Variants in TG observed in about 807,000 individuals in gnomAD.
TG encodes thyroid hormones.
In TG, 270 loss-of-function variants were observed where a neutral mutation model predicts 324.7. The observed-to-expected ratio is 0.83, with a 90% confidence interval of 0.75 to 0.92. The LOEUF is 0.92. TG is among the 40% of genes least tolerant of loss of function. TG has a pLI of 0.00. For missense variants in TG, 3,591 were observed against 3,456.4 expected (o/e 1.04, Z -0.98); for synonymous variants, 1,401 against 1,327.0 (o/e 1.06, Z -1.21).
rs1821393289 is a variant in TG, at chr8:132,923,493, G to C, written c.4684G>C (p.Asp1562His). Residue 1562 changes from aspartate (D) to histidine (H), a missense_variant, in exon 22 of 48, where the codon GAC becomes CAC. Transcript: ENST00000220616. Reference sequence around the variant, plus strand: ...GTGGGAAACAGAGGCCCCTCTTGAGGACTCACAGTGTTTGAGTAGGTGCTG... The same window carrying C: ...GTGGGAAACAGAGGCCCCTCTTGAGCACTCACAGTGTTTGAGTAGGTGCTG... ...PWWETEAPLE[D>H]SQCLMMQKFE... is the part of the protein sequence containing the mutation. The C allele has an allele frequency of 6.2e-7, 1 of 1,613,884 alleles. No homozygotes were observed. The highest frequency in any genetic ancestry group is 8.5e-7 in the Non-Finnish European group (1 of 1,179,926).
intron 37 of TG, among the ~76,000 whole-genome samples, chr8:133,014,587 A>C (rs993688240): frequency 1.3e-5 from 2 of 152,238 alleles, no homozygotes; most frequent in Admixed American, 6.5e-5. Context: ...GTAGCATGGG[A>C]GCAGCAATAA....
At chr8:132,974,834 A>G (rs1322275055) in intron 34 of TG, among the ~76,000 whole-genome samples, 1 of 152,188 alleles carries the variant, frequency 6.6e-6, no homozygotes, top group Admixed American at 6.5e-5. Context: ...GCCCTTGCTC[A>G]TGAGCCTACC....
At chr8:132,969,087 C>T (rs901992926) in intron 31 of TG, among the ~76,000 whole-genome samples, 30 of 146,130 alleles carry the variant, frequency 2.1e-4, no homozygotes, top group Non-Finnish European at 2.2e-4. Flanking sequence ...TCTGTTTGGG[C>T]CACCTTCACC....
intron 34 of TG, among the ~76,000 whole-genome samples, chr8:132,978,870 C>T (rs1475193566): frequency 6.6e-6 from 1 of 152,078 alleles, no homozygotes; most frequent in Non-Finnish European, 1.5e-5. Flanking sequence ...GCAGAGTCTC[C>T]TAGCATTCAG....
intron 41 of TG, among the ~76,000 whole-genome samples, chr8:133,065,613 T>A (rs1842928121): frequency 1.3e-5 from 2 of 151,826 alleles, no homozygotes; most frequent in South Asian, 4.2e-4. Context: ...AATACAAAAA[T>A]TAGCCGGACA....
At chr8:133,031,018 T>C (rs985451988) in intron 41 of TG, among the ~76,000 whole-genome samples, 2 of 152,248 alleles carry the variant, frequency 1.3e-5, no homozygotes, top group Admixed American at 1.3e-4. Context: ...TTTAACCATT[T>C]TAAGTGTTCC....
At chr8:132,882,754 T>C (rs1008481441) in intron 7 of TG, 60 bp from the exon 8 acceptor site, 1 of 1,612,884 alleles carries the variant, frequency 6.2e-7, no homozygotes, top group Non-Finnish European at 8.5e-7. Flanking sequence ...CAGCAGTGCA[T>C]GCTGTGAAGA....
chr8:132,925,236 T>C (rs1821673200), intron 22 of TG, among the ~76,000 whole-genome samples: 1 of 152,206 alleles, frequency 6.6e-6, no homozygotes, highest in African/African-American at 2.4e-5. Flanking sequence ...ATAGTTAGGA[T>C]AGAATATACC....
chr8:132,933,467 TG>T, intron 23 of TG, 93 bp from the exon 24 acceptor site: 1 of 896,020 alleles, frequency 1.1e-6, no homozygotes, highest in Non-Finnish European at 1.9e-6. Context: ...TGTGTGTGTT[TG>T]GGCATGTGGG....
At chr8:132,961,148 C>A in intron 28 of TG, 75 bp downstream of exon 28, 1 of 1,413,662 alleles carries the variant, frequency 7.1e-7, no homozygotes, top group Non-Finnish European at 1.0e-6. Flanking sequence ...CTCTCATTCA[C>A]AGGGCACTCT....
intron 45 of TG, among the ~76,000 whole-genome samples, chr8:133,126,098 C>T (rs1442146201): frequency 1.3e-5 from 2 of 152,042 alleles, no homozygotes; most frequent in Non-Finnish European, 2.9e-5. Context: ...AGGTGTGATG[C>T]CTTAAATATT....
intron 35 of TG, among the ~76,000 whole-genome samples, chr8:132,990,397 A>G (rs1182854425): frequency 1.3e-5 from 2 of 152,056 alleles, no homozygotes; most frequent in Non-Finnish European, 2.9e-5. Flanking sequence ...CAGCATATCT[A>G]TCGCCTCAAA....
chr8:133,125,981 T>C (rs1299481867), intron 45 of TG, among the ~76,000 whole-genome samples: 3 of 152,250 alleles, frequency 2.0e-5, no homozygotes, highest in Admixed American at 6.5e-5. Context: ...ATCAGTTATC[T>C]TTTTAAAAAA....
intron 29 of TG, among the ~76,000 whole-genome samples, chr8:132,965,859 C>T (rs115829957): frequency 5.9e-4 from 90 of 152,234 alleles, no homozygotes; most frequent in African/African-American, 1.9e-3. Flanking sequence ...CAAGACAATC[C>T]GAGTTGAGGC....
At chr8:133,012,837 A>T (rs1464960771) in intron 36 of TG, among the ~76,000 whole-genome samples, 1 of 152,240 alleles carries the variant, frequency 6.6e-6, no homozygotes, top group African/African-American at 2.4e-5. Context: ...GCTGTCAACA[A>T]CCTGATCAAT....
chr8:133,058,577 G>T (rs1325719130), intron 41 of TG, among the ~76,000 whole-genome samples: 2 of 152,174 alleles, frequency 1.3e-5, no homozygotes, highest in African/African-American at 4.8e-5. Context: ...AGCCTGCCTG[G>T]GCTCAGGGCC....
At chr8:133,070,933 T>C (rs1409351140) in intron 41 of TG, among the ~76,000 whole-genome samples, 2 of 152,246 alleles carry the variant, frequency 1.3e-5, no homozygotes, top group African/African-American at 4.8e-5. Context: ...TTTATCTCAA[T>C]TGTTTCCCCT....
In TG at chr8:132,900,291, C is replaced by A; in HGVS notation, c.3385C>A (p.Pro1129Thr). 1.9e-6 allele frequency: 3 copies of A among 1,614,032 alleles called. No homozygotes were observed. Among genetic ancestry groups the A allele is most frequent in the African/African-American group, 1.3e-5 (1 of 75,042 alleles). ...GGGGGCTGGCACCTGGTGTGTGGACCCTGCATCAGGAGAAGAGTTGCGGCC... is the reference window on the plus strand; with the variant it reads ...GGGGGCTGGCACCTGGTGTGTGGACACTGCATCAGGAGAAGAGTTGCGGCC... ...ASGAGTWCVD[P>T]ASGEELRPGS... The change falls in exon 15 of 48, where the codon CCT (proline) becomes ACT (threonine). Residue 1129 changes from proline (P) to threonine (T), a missense_variant. Transcript: ENST00000220616.
intron 29 of TG, among the ~76,000 whole-genome samples, chr8:132,965,571 T>A (rs553633967): frequency 1.3e-5 from 2 of 152,346 alleles, no homozygotes; most frequent in East Asian, 1.9e-4. Flanking sequence ...TACATCCCCC[T>A]GGAAGACAGA....
Sources: gnomAD v4.1 joint callset for allele counts (sites outside exome capture counted in the v4.1 genomes callset) on GRCh38, gnomAD v4.1.1 for gene constraint, MANE v1.5 for transcripts, NCBI Gene and HGNC (gene_info 2026-07-23, HGNC 2026-07-21) for gene names.